CFAP43: variants seen among roughly 807,000 people sequenced by gnomAD.
The protein encoded by CFAP43 is cilia and flagella associated protein 43.
CFAP43 carries 155 observed loss-of-function variants against 218.9 expected under a neutral mutation model. The ratio of observed to expected loss-of-function variants is 0.71; its 90% CI spans 0.62 to 0.81. The LOEUF (loss-of-function observed/expected upper bound fraction) is 0.81, where lower values mean the gene tolerates loss of function less well. Ranked by LOEUF, CFAP43 falls within the 30% of genes least tolerant of loss-of-function variation. The pLI is 0.00. For missense variants in CFAP43, 1,778 were observed against 1,954.3 expected (o/e 0.91, Z 1.70); for synonymous variants, 645 against 681.3 (o/e 0.95, Z 0.83).
In CFAP43 at chr10:104,130,290, CAA is replaced by C. The variant is rs1347433511; in HGVS notation, c.4845_4846del (p.Cys1616Ter). 1 of 1,611,014 alleles carries C rather than the reference CAA, an allele frequency of 6.2e-7. No homozygotes were observed. Among genetic ancestry groups the C allele is most frequent in the Admixed American group, 1.7e-5 (1 of 59,442 alleles). ...ATACCGTTCTTTGACAATCTTTTCA[CAA>C]GTCAGTTTAGACCCTATCCCAAAAA... On this transcript the variant is annotated frameshift_variant, in exon 38 of 38. Coordinates refer to ENST00000357060, the MANE Select transcript of CFAP43 (RefSeq NM_025145.7). LOFTEE classifies it high-confidence loss of function.
chr10:104,195,561 G>A (rs1190656509), intron 10 of CFAP43, among the ~76,000 whole-genome samples: 3 of 152,092 alleles, frequency 2.0e-5, no homozygotes, highest in Admixed American at 1.3e-4. Context: ...GGCATCTTAT[G>A]TAAAATATGA....
In CFAP43 at chr10:104,187,477, G is replaced by C. The variant is rs765476017; in HGVS notation, c.1703C>G (p.Ala568Gly). The C allele has an allele frequency of 3.8e-6, 6 of 1,586,378 alleles. No homozygotes were observed. Among genetic ancestry groups the C allele is most frequent in the Non-Finnish European group, 5.1e-6 (6 of 1,169,500 alleles). Residue 568 changes from alanine (A) to glycine (G), a missense_variant, in exon 14 of 38, where the codon GCT becomes GGT. Physicochemically the swap from Ala to Gly is moderately conservative, Grantham distance 60 (BLOSUM62 0). Transcript: ENST00000357060. ...TLLPQVSTTF[A>G]DERGRLKDEI... Reference sequence around the variant, plus strand: ...ATCTTTCAGCCTTCCTCTTTCATCAGCAAAGGTTGTGGAAACTATTAGATT... The same window carrying C: ...ATCTTTCAGCCTTCCTCTTTCATCACCAAAGGTTGTGGAAACTATTAGATT...
intron 22 of CFAP43, among the ~76,000 whole-genome samples, chr10:104,167,325 T>C (rs2089205141): frequency 6.6e-6 from 1 of 152,180 alleles, no homozygotes; most frequent in Admixed American, 6.5e-5. Flanking sequence ...AAAGGATATG[T>C]GTGGATGAAG....
intron 31 of CFAP43, among the ~76,000 whole-genome samples, chr10:104,144,267 T>G (rs2134754913): frequency 6.6e-6 from 1 of 152,348 alleles, no homozygotes; most frequent in South Asian, 2.1e-4. Flanking sequence ...ACAAGAAAGC[T>G]TGTGCTTTTC....
intron 11 of CFAP43, 44 bp downstream of exon 11, chr10:104,193,822 A>G (rs746231385): frequency 1.4e-5 from 23 of 1,586,296 alleles, no homozygotes; most frequent in Non-Finnish European, 1.9e-5. Flanking sequence ...TTTTCAACAG[A>G]CGGGTGTGAC....
Position 104,162,412 on chromosome 10 carries a change from G to C in CFAP43, c.3247-9C>G. On this transcript the variant is annotated splice_polypyrimidine_tract_variant and intron_variant, in intron 24 of 37. Transcript: ENST00000357060. ...TGTTTGTGGGCTGTAATCTGAAAGA[G>C]AAAATGTCATTTCCTGCTATTATTC... The C allele has an allele frequency of 6.2e-7, 1 of 1,608,236 alleles. No homozygotes were observed. Among genetic ancestry groups the C allele is most frequent in the Non-Finnish European group, 8.5e-7 (1 of 1,174,584 alleles).
chr10:104,215,420 T>G (rs1367584786), intron 3 of CFAP43, among the ~76,000 whole-genome samples: 1 of 152,114 alleles, frequency 6.6e-6, no homozygotes, highest in Admixed American at 6.5e-5. Context: ...CTATCACAAA[T>G]GCCCTGCCCA....
At chr10:104,189,299 C>A (rs2090132476) in intron 12 of CFAP43, among the ~76,000 whole-genome samples, 1 of 152,158 alleles carries the variant, frequency 6.6e-6, no homozygotes, top group African/African-American at 2.4e-5. Flanking sequence ...TAAGAACCTT[C>A]CTCCAACTCT....
At chr10:104,191,537 C>T (rs2090215346) in intron 12 of CFAP43, among the ~76,000 whole-genome samples, 1 of 152,104 alleles carries the variant, frequency 6.6e-6, no homozygotes. Flanking sequence ...GAATGAATTG[C>T]TGCTGTATCT....
At chr10:104,153,033 C>A (rs1011964338) in intron 27 of CFAP43, among the ~76,000 whole-genome samples, 1 of 152,176 alleles carries the variant, frequency 6.6e-6, no homozygotes, top group African/African-American at 2.4e-5. Context: ...AAAATCCTCA[C>A]TCTTTATATA....
chr10:104,161,890 C>CA (rs2088894660), intron 26 of CFAP43, 71 bp downstream of exon 26: 2 of 1,462,998 alleles, frequency 1.4e-6, no homozygotes, highest in Admixed American at 3.7e-5. Flanking sequence ...TTATATAGGA[C>CA]AAAAATGGTA....
At chr10:104,167,240 T>C (rs2089200566) in intron 22 of CFAP43, among the ~76,000 whole-genome samples, 1 of 152,178 alleles carries the variant, frequency 6.6e-6, no homozygotes, top group African/African-American at 2.4e-5. Context: ...AAAACCATAA[T>C]TCCATCAAAA....
At chr10:104,231,552 G>A (rs2091447652) in intron 1 of CFAP43, among the ~76,000 whole-genome samples, 1 of 152,166 alleles carries the variant, frequency 6.6e-6, no homozygotes, top group Non-Finnish European at 1.5e-5. Flanking sequence ...GCAAGTGAAG[G>A]ACACTGGTTT....
chr10:104,190,759 G>A (rs1297758824), intron 12 of CFAP43, among the ~76,000 whole-genome samples: 8 of 152,086 alleles, frequency 5.3e-5, no homozygotes, highest in African/African-American at 1.2e-4. Flanking sequence ...TCCATCACTC[G>A]TGGTTGTGCC....
intron 12 of CFAP43, among the ~76,000 whole-genome samples, chr10:104,191,305 T>G (rs1465637090): frequency 6.7e-6 from 1 of 148,608 alleles, no homozygotes; most frequent in African/African-American, 2.5e-5. Context: ...CATAGTCATC[T>G]TCTAGTAAAC....
At chr10:104,230,864 A>T (rs1156773747) in intron 1 of CFAP43, 21 bp from the exon 2 acceptor site, 1 of 1,584,196 alleles carries the variant, frequency 6.3e-7, no homozygotes, top group Non-Finnish European at 8.6e-7. Context: ...AGATATGTCA[A>T]CATCAATATA....
Position 104,197,968 on chromosome 10 carries a change from T to G in CFAP43, c.1166A>C (p.Lys389Thr). ...TGTGATAAAGTCAATTGCCTGAAAT[T>G]TCCCATCACAAGCATCTAGGACTTT... is the stretch of plus-strand genomic sequence containing the variant. ...LNKVLDACDG[K>T]FQAIDFITPG... is the part of the protein sequence containing the mutation. The change falls in exon 9 of 38, where the codon AAA (lysine) becomes ACA (threonine). Residue 389 changes from lysine (K) to threonine (T), a missense_variant. Physicochemically the swap from Lys to Thr is moderately conservative, Grantham distance 78 (BLOSUM62 -1). Around this residue, in one of 3 missense-constraint regions of CFAP43, gnomAD observed 1,553 missense variants for 1,685.2 expected, o/e 0.92. Transcript: ENST00000357060. 1 of 1,613,944 alleles carries G rather than the reference T, an allele frequency of 6.2e-7. No homozygotes were observed. The highest frequency in any genetic ancestry group is 8.5e-7 in the Non-Finnish European group (1 of 1,179,854).
intron 27 of CFAP43, among the ~76,000 whole-genome samples, chr10:104,157,215 C>T (rs2088594915): frequency 2.0e-5 from 3 of 152,248 alleles, no homozygotes; most frequent in Middle Eastern, 3.4e-3. Flanking sequence ...GAGTCTTTCC[C>T]TGGACTCTGT....
chr10:104,163,405 G>A (rs2088980429), intron 24 of CFAP43, among the ~76,000 whole-genome samples: 1 of 152,172 alleles, frequency 6.6e-6, no homozygotes, highest in African/African-American at 2.4e-5. Context: ...GTCCCCAGGA[G>A]TCAAGTTGGT....
Sources: allele counts gnomAD v4.1 joint callset (sites outside exome capture counted in the v4.1 genomes callset), GRCh38; gene constraint gnomAD v4.1.1; regional missense constraint gnomAD v4.1.1; transcripts MANE v1.5; gene names NCBI Gene and HGNC (gene_info 2026-07-23, HGNC 2026-07-21).